APBB2: variants seen among roughly 807,000 people sequenced by gnomAD.
APBB2 encodes amyloid beta precursor protein binding family B member 2.
In APBB2, 38 loss-of-function variants were observed where a neutral mutation model predicts 82.5. The observed-to-expected ratio is 0.46, with a 90% CI of 0.36 to 0.60. The LOEUF (loss-of-function observed/expected upper bound fraction) is 0.60. Among genes scored for constraint, APBB2 ranks in the 20% least tolerant of loss-of-function variants. APBB2 has a pLI of 0.00. For synonymous variants in APBB2, 341 were observed against 368.2 expected (o/e 0.93, Z 0.85); for missense variants, 772 against 972.3 (o/e 0.79, Z 2.74).
intron 10 of APBB2, among the ~76,000 whole-genome samples, chr4:40,911,671 C>T (rs1472500534): frequency 1.3e-5 from 2 of 152,088 alleles, no homozygotes; most frequent in African/African-American, 2.4e-5. Flanking sequence ...AGACTGGAGC[C>T]CATATCCAAG....
At chr4:41,120,818 C>G (rs1348325380) in intron 2 of APBB2, among the ~76,000 whole-genome samples, 1 of 152,172 alleles carries the variant, frequency 6.6e-6, no homozygotes. Flanking sequence ...TTAGTAGAAC[C>G]TTTGATTCTC....
At chr4:40,925,259 T>C (rs1782333718) in intron 10 of APBB2, among the ~76,000 whole-genome samples, 1 of 152,232 alleles carries the variant, frequency 6.6e-6, no homozygotes, top group Non-Finnish European at 1.5e-5. Flanking sequence ...GCATAAAGAA[T>C]GCTTATTATG....
At chr4:40,844,171 T>G (rs894944603) in intron 12 of APBB2, among the ~76,000 whole-genome samples, 3 of 152,220 alleles carry the variant, frequency 2.0e-5, no homozygotes, top group African/African-American at 7.2e-5. Flanking sequence ...CAAATCCAGA[T>G]GGGTAGCCAC....
chr4:40,868,743 C>G (rs774733036), intron 12 of APBB2, among the ~76,000 whole-genome samples: 2 of 152,170 alleles, frequency 1.3e-5, no homozygotes, highest in Non-Finnish European at 2.9e-5. Context: ...AATTACTTAC[C>G]TCAAGCAAAA....
chr4:40,859,288 T>A (rs1395920468), intron 12 of APBB2, among the ~76,000 whole-genome samples: 1 of 51,950 alleles, frequency 1.9e-5, no homozygotes, highest in Non-Finnish European at 5.4e-5. Context: ...GCTGCTGTCA[T>A]TTTTTTTTTT....
At chr4:40,917,211 TCTTCAC>T (rs1438924987) in intron 10 of APBB2, among the ~76,000 whole-genome samples, 1 of 152,212 alleles carries the variant, frequency 6.6e-6, no homozygotes, top group Non-Finnish European at 1.5e-5. Flanking sequence ...GTAGCTCATC[TCTTCAC>T]CTTCATATTC....
In APBB2 at chr4:40,944,959, T is replaced by C. The variant is rs755608593; in HGVS notation, c.950A>G (p.Gln317Arg). The change falls in exon 7 of 18, where the codon CAG (glutamine) becomes CGG (arginine). Residue 317 changes from glutamine to arginine, a missense_variant. Coordinates refer to ENST00000508593, the MANE Select transcript of APBB2 (RefSeq NM_004307.2). ...TGGGATGGAGACGGGCCGTTCCCAC[T>C]GAGTCGTTCCTGTTGGGATGTGCCA... ...YYWHIPTGTT[Q>R]WERPVSIPAD... 1.3e-5 allele frequency: 21 copies of C among 1,613,912 alleles called. No homozygotes were observed. The Admixed American group carries it at 3.5e-4, about 27-fold the overall frequency.
chr4:41,141,887 G>C (rs932073005), intron 2 of APBB2, among the ~76,000 whole-genome samples: 1 of 152,136 alleles, frequency 6.6e-6, no homozygotes, highest in African/African-American at 2.4e-5. Context: ...CTCCCACCAG[G>C]ATCCTCCCAT....
chr4:40,948,675 A>G (rs1220279316), intron 6 of APBB2, among the ~76,000 whole-genome samples: 1 of 150,190 alleles, frequency 6.7e-6, no homozygotes, highest in Non-Finnish European at 1.5e-5. Flanking sequence ...AAGGAGAATC[A>G]CTTGAACCCA....
chr4:41,170,965 T>C (rs1768076723), intron 1 of APBB2, among the ~76,000 whole-genome samples: 1 of 152,232 alleles, frequency 6.6e-6, no homozygotes, highest in Admixed American at 6.5e-5. Context: ...TGTGTTAACC[T>C]GTACAATATC....
chr4:41,145,619 T>G (rs543122048), intron 1 of APBB2, among the ~76,000 whole-genome samples: 9 of 152,196 alleles, frequency 5.9e-5, no homozygotes, highest in Non-Finnish European at 1.2e-4. Context: ...ATGAGTGCAC[T>G]GTGCTTGGGC....
chr4:40,872,883 C>A (rs147673279), intron 12 of APBB2, among the ~76,000 whole-genome samples: 1 of 151,536 alleles, frequency 6.6e-6, no homozygotes, highest in Non-Finnish European at 1.5e-5. Flanking sequence ...GTCAGGAGTT[C>A]GAGACCAGCC....
chr4:40,865,937 C>A (rs750525875), intron 12 of APBB2, among the ~76,000 whole-genome samples: 5 of 152,200 alleles, frequency 3.3e-5, no homozygotes, highest in Non-Finnish European at 5.9e-5. Flanking sequence ...AACAAACAAA[C>A]CAAAAAATCC....
chr4:40,888,359 G>T (rs1291888346), intron 12 of APBB2, among the ~76,000 whole-genome samples: 1 of 152,212 alleles, frequency 6.6e-6, no homozygotes, highest in East Asian at 1.9e-4. Flanking sequence ...AGGGTAAGCT[G>T]AAAACCTCAT....
In APBB2 at chr4:41,133,950, G is replaced by A. The variant is rs140858232; in HGVS notation, c.-261+9037C>T. Among the ~76,000 whole-genome samples the A allele has an allele frequency of 5.4e-3, 820 of 152,176 alleles. 7 individuals carry two copies. Among genetic ancestry groups the A allele is most frequent in the African/African-American group, 0.019 (775 of 41,514 alleles). On this transcript the variant is annotated intron_variant, in intron 2 of 17. Coordinates refer to ENST00000508593, the MANE Select transcript of APBB2 (RefSeq NM_004307.2). ...AGTAGATGGCTGGGCCACATACCTAGCTATAAAACCTAGGACACACTTTCC... is the reference window on the plus strand; with the variant it reads ...AGTAGATGGCTGGGCCACATACCTAACTATAAAACCTAGGACACACTTTCC...
At chr4:41,112,057 G>C (rs985244383) in intron 2 of APBB2, among the ~76,000 whole-genome samples, 1 of 152,164 alleles carries the variant, frequency 6.6e-6, no homozygotes, top group African/African-American at 2.4e-5. Flanking sequence ...AGGTGGGATG[G>C]GCTGAGTTCC....
chr4:41,015,768 C>A (rs1809738492), intron 5 of APBB2, among the ~76,000 whole-genome samples: 1 of 152,086 alleles, frequency 6.6e-6, no homozygotes, highest in Admixed American at 6.5e-5. Flanking sequence ...TATTATTTAT[C>A]GGGATTCCTT....
At chr4:41,165,715 A>T (rs1560930797) in intron 1 of APBB2, among the ~76,000 whole-genome samples, 1 of 151,604 alleles carries the variant, frequency 6.6e-6, no homozygotes, top group African/African-American at 2.4e-5. Context: ...ACACCTGGGG[A>T]GTTTTCGGCC....
chr4:41,121,898 T>TGG (rs1169575923), intron 2 of APBB2, among the ~76,000 whole-genome samples: 29 of 151,980 alleles, frequency 1.9e-4, no homozygotes, highest in Middle Eastern at 3.4e-3. Context: ...TTTGGTTGTG[T>TGG]GTGTGTGTGT....
Sources: gnomAD v4.1 joint callset for allele counts (sites outside exome capture counted in the v4.1 genomes callset) on GRCh38, gnomAD v4.1.1 for gene constraint, MANE v1.5 for transcripts, NCBI Gene and HGNC (gene_info 2026-07-23, HGNC 2026-07-21) for gene names.